CATSPERB: variants seen among roughly 807,000 people sequenced by gnomAD.
CATSPERB encodes cation channel sperm-associated auxiliary subunit beta.
A neutral mutation model predicts 128.3 loss-of-function variants in CATSPERB; 93 were observed. The ratio of observed to expected loss-of-function variants is 0.72; its 90% CI spans 0.61 to 0.86. The LOEUF is 0.86. Ranked by LOEUF, CATSPERB falls within the 40% of genes least tolerant of loss-of-function variation. The pLI, the probability that CATSPERB is intolerant of heterozygous loss-of-function variation, is 0.00. For missense variants in CATSPERB, 1,153 were observed against 1,329.5 expected (o/e 0.87, Z 2.06); for synonymous variants, 381 against 448.8 (o/e 0.85, Z 1.91).
chr14:91,701,746 C>T (rs1401348034), intron 7 of CATSPERB, among the ~76,000 whole-genome samples: 3 of 151,912 alleles, frequency 2.0e-5, no homozygotes, highest in Admixed American at 6.6e-5. Flanking sequence ...ACAAACAAGG[C>T]CTCGCAAAGG....
At chr14:91,603,395 G>A (rs1180286551) in intron 22 of CATSPERB, 1 of 1,609,400 alleles carries the variant, frequency 6.2e-7, no homozygotes, top group Non-Finnish European at 8.5e-7. Flanking sequence ...CAATATTAAA[G>A]GTATAAGCAG....
chr14:91,656,637 T>C (rs1894792372), intron 15 of CATSPERB, among the ~76,000 whole-genome samples: 1 of 151,954 alleles, frequency 6.6e-6, no homozygotes, highest in Non-Finnish European at 1.5e-5. Flanking sequence ...AAATGAAATG[T>C]CAGGAGTAAG....
chr14:91,592,123 G>T, intron 22 of CATSPERB, 121 bp from the exon 23 acceptor site: 2 of 703,174 alleles, frequency 2.8e-6, no homozygotes, highest in South Asian at 3.2e-5. Context: ...AGTTAAAAGG[G>T]GAAAGCAATT....
At chr14:91,610,013 G>T (rs967920126) in intron 21 of CATSPERB, among the ~76,000 whole-genome samples, 1 of 152,088 alleles carries the variant, frequency 6.6e-6, no homozygotes, top group South Asian at 2.1e-4. Context: ...GAGCCACCAC[G>T]CCTGGCTGAT....
At chr14:91,697,781 G>A (rs1269100384) in intron 7 of CATSPERB, among the ~76,000 whole-genome samples, 1 of 152,182 alleles carries the variant, frequency 6.6e-6, no homozygotes, top group Non-Finnish European at 1.5e-5. Flanking sequence ...GGTTACTGCA[G>A]TCTTGTAGTA....
In CATSPERB at chr14:91,670,021, A is replaced by G. The variant is rs777097649; in HGVS notation, c.1129-49T>C. 5.2e-6 allele frequency: 8 copies of G among 1,524,026 alleles called. No homozygotes were observed. In the South Asian group the frequency reaches 9.6e-5, roughly 18 times the overall value. The allele number at this position is 1,524,026 out of a possible 1,614,324, so 94.4% of individuals were successfully genotyped here. A position where few individuals can be genotyped will look rare whatever the true frequency, so the allele number is the denominator to read the frequency against. ...GTCATAAGACTAGTCTGTGTTACAAATTTTAGAATTTCCTGTTACTTGCAT... is the reference window on the plus strand; with the variant it reads ...GTCATAAGACTAGTCTGTGTTACAAGTTTTAGAATTTCCTGTTACTTGCAT... On this transcript the variant is annotated intron_variant, in intron 13 of 26. Coordinates refer to ENST00000256343, the MANE Select transcript of CATSPERB (RefSeq NM_024764.4).
intron 17 of CATSPERB, among the ~76,000 whole-genome samples, chr14:91,627,949 G>A (rs946901723): frequency 6.6e-6 from 1 of 152,152 alleles, no homozygotes; most frequent in Non-Finnish European, 1.5e-5. Flanking sequence ...CTGCACTCCA[G>A]CCTGGGTAAC....
chr14:91,707,145 C>T (rs1895745467), intron 6 of CATSPERB, among the ~76,000 whole-genome samples: 1 of 152,188 alleles, frequency 6.6e-6, no homozygotes, highest in African/African-American at 2.4e-5. Context: ...CCAGCTTCTC[C>T]AAACTCATGA....
intron 14 of CATSPERB, among the ~76,000 whole-genome samples, chr14:91,668,594 C>A (rs138985331): frequency 6.6e-6 from 1 of 152,182 alleles, no homozygotes; most frequent in Non-Finnish European, 1.5e-5. Context: ...TTTGTTCTTT[C>A]GCTCTTCACA....
intron 26 of CATSPERB, among the ~76,000 whole-genome samples, chr14:91,582,823 T>C (rs1893227231): frequency 6.6e-6 from 1 of 152,174 alleles, no homozygotes. Context: ...AAAATTATTC[T>C]TTGCCCTCCT....
At chr14:91,649,622 A>G (rs369751842) in intron 15 of CATSPERB, among the ~76,000 whole-genome samples, 1 of 146,644 alleles carries the variant, frequency 6.8e-6, no homozygotes, top group East Asian at 2.0e-4. Flanking sequence ...TCAGCCTCCC[A>G]AGTAGCTGGG....
chr14:91,719,579 CA>C (rs1256948810), intron 4 of CATSPERB, 101 bp from the exon 5 acceptor site: 1 of 794,884 alleles, frequency 1.3e-6, no homozygotes, highest in African/African-American at 1.8e-5. Context: ...CAAAAACATC[CA>C]ATGCATATAC....
At chr14:91,618,616 G>A (rs1428106712) in intron 19 of CATSPERB, among the ~76,000 whole-genome samples, 3 of 152,190 alleles carry the variant, frequency 2.0e-5, no homozygotes, top group African/African-American at 7.2e-5. Context: ...CCAGTTAATT[G>A]TTGCCAAGAG....
intron 11 of CATSPERB, among the ~76,000 whole-genome samples, chr14:91,677,133 T>G (rs1395808033): frequency 6.6e-6 from 1 of 152,158 alleles, no homozygotes; most frequent in Non-Finnish European, 1.5e-5. Flanking sequence ...GAAGAAAACC[T>G]AGGCAATACC....
chr14:91,614,847 C>G (rs1260086828), intron 20 of CATSPERB, among the ~76,000 whole-genome samples: 1 of 151,890 alleles, frequency 6.6e-6, no homozygotes, highest in Non-Finnish European at 1.5e-5. Flanking sequence ...ATATTTTTTT[C>G]CTTCTGTTTC....
chr14:91,650,121 A>T (rs10143914), intron 15 of CATSPERB, among the ~76,000 whole-genome samples: 1 of 152,158 alleles, frequency 6.6e-6, no homozygotes, highest in South Asian at 2.1e-4. Context: ...CACTGAAACC[A>T]TAGTGGTCAA....
chr14:91,728,641 T>C (rs571613009), intron 2 of CATSPERB, among the ~76,000 whole-genome samples: 3 of 152,336 alleles, frequency 2.0e-5, no homozygotes, highest in Admixed American at 1.3e-4. Flanking sequence ...TAGAGTTTGC[T>C]AGATTCTGTT....
chr14:91,723,228 A>C, intron 3 of CATSPERB, 39 bp from the exon 4 acceptor site: 1 of 1,403,662 alleles, frequency 7.1e-7, no homozygotes, highest in Non-Finnish European at 9.3e-7. Context: ...ACTAATAACC[A>C]CTTGATGCAG....
chr14:91,604,691 G>A (rs925327585), intron 22 of CATSPERB: 10 of 1,613,232 alleles, frequency 6.2e-6, no homozygotes, highest in Non-Finnish European at 8.5e-6. Context: ...GATGTTCTGG[G>A]TCTGGTTGCT....
Sources: allele counts gnomAD v4.1 joint callset (sites outside exome capture counted in the v4.1 genomes callset), GRCh38; gene constraint gnomAD v4.1.1; transcripts MANE v1.5; gene names NCBI Gene and HGNC (gene_info 2026-07-23, HGNC 2026-07-21).